PIBF1: variants seen among roughly 807,000 people sequenced by gnomAD.
The protein encoded by PIBF1 is progesterone immunomodulatory binding factor 1.
A neutral mutation model predicts 112.5 loss-of-function variants in PIBF1; 90 were observed. The observed-to-expected ratio is 0.80, with a 90% CI of 0.67 to 0.95. PIBF1 has a LOEUF of 0.95. Among genes scored for constraint, PIBF1 ranks in the 40% least tolerant of loss-of-function variants. The pLI is 0.00. For synonymous variants in PIBF1, 301 were observed against 288.6 expected, an observed-to-expected ratio of 1.04 and a Z score of -0.44; for missense variants, 915 against 852.3, an observed-to-expected ratio of 1.07 and a Z score of -0.92.
At chr13:72,959,031 CT>C (rs1289931432) in intron 14 of PIBF1, among the ~76,000 whole-genome samples, 16 of 152,264 alleles carry the variant, frequency 1.1e-4, no homozygotes, top group Non-Finnish European at 1.9e-4. Flanking sequence ...CAGAGTCTTC[CT>C]CTGTCACCCG....
chr13:72,784,621 A>G (rs1411106450), intron 2 of PIBF1, among the ~76,000 whole-genome samples: 3 of 150,952 alleles, frequency 2.0e-5, no homozygotes, highest in East Asian at 2.0e-4. Flanking sequence ...AGCCCCGCGT[A>G]GTGGTGCTGC....
intron 8 of PIBF1, 90 bp downstream of exon 8, chr13:72,828,004 T>A: frequency 1.4e-6 from 1 of 735,090 alleles, no homozygotes; most frequent in Non-Finnish European, 2.1e-6. Context: ...ATTTAGTGAT[T>A]TTTTTAAGGT....
At chr13:72,830,757 A>C (rs2138179925) in intron 8 of PIBF1, among the ~76,000 whole-genome samples, 1 of 152,196 alleles carries the variant, frequency 6.6e-6, no homozygotes, top group South Asian at 2.1e-4. Flanking sequence ...TGTGTCTGCC[A>C]GGTTTTGGTA....
chr13:73,013,601 A>G (rs1400668369), intron 17 of PIBF1, among the ~76,000 whole-genome samples: 2 of 151,554 alleles, frequency 1.3e-5, no homozygotes, highest in Non-Finnish European at 2.9e-5. Flanking sequence ...GCTGAGAGTG[A>G]TGGCATGCAC....
chr13:72,894,057 C>CAAAAAAAAAAAAA (rs66856837), intron 11 of PIBF1, 108 bp downstream of exon 11: 6 of 82,656 alleles, frequency 7.3e-5, no homozygotes, highest in East Asian at 4.2e-4. Context: ...CTATCCTGCA[C>CAAAAAAAAAAAAA]AAAAAAAAAA....
chr13:72,814,718 C>T (rs927291917), intron 5 of PIBF1, among the ~76,000 whole-genome samples: 51 of 151,188 alleles, frequency 3.4e-4, no homozygotes, highest in Middle Eastern at 3.4e-3. Context: ...AATCTGTAGC[C>T]GGAAATGCCT....
At chr13:72,968,370 G>T (rs910334690) in intron 15 of PIBF1, among the ~76,000 whole-genome samples, 11 of 150,710 alleles carry the variant, frequency 7.3e-5, no homozygotes, top group African/African-American at 2.7e-4. Context: ...GCGCGATCTC[G>T]GCTCACTGCA....
intron 10 of PIBF1, among the ~76,000 whole-genome samples, chr13:72,865,602 T>C (rs1280774999): frequency 6.6e-6 from 1 of 152,210 alleles, no homozygotes; most frequent in African/African-American, 2.4e-5. Context: ...AAAATTTAGT[T>C]TGAAAAATGC....
intron 2 of PIBF1, among the ~76,000 whole-genome samples, chr13:72,784,683 C>T (rs1034126172): frequency 6.7e-6 from 1 of 148,158 alleles, no homozygotes; most frequent in Non-Finnish European, 1.5e-5. Flanking sequence ...CACTTGAATC[C>T]GGGGGCAGAC....
chr13:72,987,843 TTTATTTATTTA>T (rs1311453796), intron 16 of PIBF1, among the ~76,000 whole-genome samples: 1 of 86,756 alleles, frequency 1.2e-5, no homozygotes, highest in African/African-American at 5.0e-5. Flanking sequence ...TTGTAATTTA[TTTATTTATTTA>T]TTTATTTTTT....
chr13:72,808,815 G>A (rs1189377858), intron 5 of PIBF1, among the ~76,000 whole-genome samples: 1 of 152,092 alleles, frequency 6.6e-6, no homozygotes, highest in African/African-American at 2.4e-5. Context: ...AATGGGACTG[G>A]CCTCAGGCTA....
intron 9 of PIBF1, among the ~76,000 whole-genome samples, chr13:72,841,344 G>T (rs1361685722): frequency 1.3e-5 from 2 of 152,140 alleles, no homozygotes; most frequent in South Asian, 2.1e-4. Flanking sequence ...TTGGAAATAA[G>T]ACATTCTGTG....
chr13:72,890,454 T>C (rs924455992), intron 10 of PIBF1, among the ~76,000 whole-genome samples: 1 of 152,130 alleles, frequency 6.6e-6, no homozygotes, highest in African/African-American at 2.4e-5. Flanking sequence ...TCTAGTCCTT[T>C]CTGTTATTTT....
chr13:73,011,515 A>T (rs1203081202), intron 17 of PIBF1, among the ~76,000 whole-genome samples: 1 of 152,208 alleles, frequency 6.6e-6, no homozygotes, highest in Non-Finnish European at 1.5e-5. Flanking sequence ...TTTAACTAGA[A>T]GCTACCCTGC....
At chr13:72,848,923 G>A (rs1355872342) in intron 9 of PIBF1, among the ~76,000 whole-genome samples, 1 of 152,050 alleles carries the variant, frequency 6.6e-6, no homozygotes, top group Non-Finnish European at 1.5e-5. Context: ...TAAGAAAGTA[G>A]TGGTTTGTGT....
At chr13:72,882,456 A>G (rs957169922) in intron 10 of PIBF1, among the ~76,000 whole-genome samples, 1 of 152,132 alleles carries the variant, frequency 6.6e-6, no homozygotes, top group African/African-American at 2.4e-5. Context: ...CAAGTAGAAA[A>G]CCTCCTGCAT....
intron 5 of PIBF1, among the ~76,000 whole-genome samples, chr13:72,803,249 G>C (rs929191200): frequency 7.9e-5 from 11 of 139,836 alleles, no homozygotes; most frequent in African/African-American, 3.3e-4. Flanking sequence ...TTGTTTTTTT[G>C]TTTTGTTTTT....
At position 72,904,974 on chromosome 13, in the gene PIBF1, G is replaced by A. The variant is rs191021638; in HGVS notation, c.1489-3557G>A. ...GTTTTATTTCTACTTTTTTGTTCTA[G>A]AGAGGTTATATTATTTAATATCGCA... On this transcript the variant is annotated intron_variant, in intron 11 of 17. Coordinates refer to ENST00000326291, the MANE Select transcript of PIBF1 (RefSeq NM_006346.4). Among the ~76,000 whole-genome samples, 78 of 151,896 alleles carry A rather than the reference G, an allele frequency of 5.1e-4. 2 individuals are homozygous for A. The East Asian group carries it at 0.015, about 29-fold the overall frequency.
rs754179317 is a variant in PIBF1 at position 72,998,909 on chromosome 13, CAT to C, written c.2138_2139del (p.His713ArgfsTer14). 1.4e-5 allele frequency: 23 copies of C among 1,611,518 alleles called. No individual in the cohort carries two copies. Among genetic ancestry groups the C allele is most frequent in the African/African-American group, 4.0e-5 (3 of 74,874 alleles). ...ACTTCTCACTAAAACAGAACCAAAA[CAT>C]GTGACAGAAAATCAGAAATCAAAGA... ...SLLLTKTEPKHVTENQKSKTL... is the reference protein window; with the variant it reads ...SLLLTKTEPKXVTENQKSKTL... On this transcript the variant is annotated frameshift_variant, in exon 17 of 18. Transcript: ENST00000326291. LOFTEE classifies it high-confidence loss of function.
Sources: gnomAD v4.1 joint callset for allele counts (sites outside exome capture counted in the v4.1 genomes callset) on GRCh38, gnomAD v4.1.1 for gene constraint, MANE v1.5 for transcripts, NCBI Gene and HGNC (gene_info 2026-07-23, HGNC 2026-07-21) for gene names.